PDE1A: variants seen among roughly 807,000 people sequenced by gnomAD.
PDE1A encodes phosphodiesterase 1A, also known as dual specificity calcium/calmodulin-dependent 3',5'-cyclic nucleotide phosphodiesterase 1A.
A neutral mutation model predicts 61.7 loss-of-function variants in PDE1A; 35 were observed. The observed-to-expected ratio is 0.57, with a 90% confidence interval of 0.43 to 0.75. PDE1A has a LOEUF of 0.75. Among genes scored for constraint, PDE1A ranks in the 30% least tolerant of loss-of-function variants. The probability of loss-of-function intolerance (pLI) is 0.00; values close to 1 mark genes in which losing one functional copy is unlikely to be tolerated. For synonymous variants in PDE1A, 232 were observed against 213.2 expected, an observed-to-expected ratio of 1.09 and a Z score of -0.77; for missense variants, 597 against 630.6, an observed-to-expected ratio of 0.95 and a Z score of 0.57.
intron 1 of PDE1A, among the ~76,000 whole-genome samples, chr2:182,421,169 A>G (rs1200737223): frequency 6.6e-6 from 1 of 152,178 alleles, no homozygotes; most frequent in Non-Finnish European, 1.5e-5. Context: ...GATGGCATAA[A>G]ATCACTAACA....
At chr2:182,313,221 C>T (rs1696107278) in intron 1 of PDE1A, among the ~76,000 whole-genome samples, 2 of 152,128 alleles carry the variant, frequency 1.3e-5, no homozygotes, top group Non-Finnish European at 2.9e-5. Context: ...CGACAGCAGC[C>T]TGGCCAACAT....
the PDE1A span, among the ~76,000 whole-genome samples, chr2:182,562,822 G>T: frequency 6.6e-6 from 1 of 152,186 alleles, no homozygotes; most frequent in Admixed American, 6.5e-5. Context: ...ATTTCTTCTA[G>T]ATTTTCTAGT....
intron 1 of PDE1A, among the ~76,000 whole-genome samples, chr2:182,399,002 C>A (rs1701854770): frequency 6.6e-6 from 1 of 151,826 alleles, no homozygotes; most frequent in South Asian, 2.1e-4. Context: ...ATAATAATAC[C>A]TATTGAACTA....
the PDE1A span, among the ~76,000 whole-genome samples, chr2:182,590,868 G>A: frequency 9.9e-5 from 15 of 152,116 alleles, no homozygotes; most frequent in African/African-American, 2.7e-4. Flanking sequence ...GCCTACTAGC[G>A]AAACAACTCA....
intron 1 of PDE1A, among the ~76,000 whole-genome samples, chr2:182,300,893 A>G (rs912533825): frequency 2.6e-5 from 4 of 152,192 alleles, no homozygotes; most frequent in Admixed American, 1.3e-4. Flanking sequence ...AAGTTGTTCA[A>G]GCTACTTCCT....
downstream of PDE1A, among the ~76,000 whole-genome samples, chr2:182,162,950 G>T (rs1354963667): frequency 6.6e-6 from 1 of 152,164 alleles, no homozygotes; most frequent in Non-Finnish European, 1.5e-5. Context: ...AAGGCCAAAT[G>T]GAAGCTATTA....
the PDE1A span, among the ~76,000 whole-genome samples, chr2:182,560,349 T>G: frequency 6.6e-6 from 1 of 151,632 alleles, no homozygotes; most frequent in Non-Finnish European, 1.5e-5. Context: ...TTACTGAGAA[T>G]GATGATTTCC....
chr2:182,215,574 T>A (rs973874364), intron 7 of PDE1A, among the ~76,000 whole-genome samples: 2 of 147,088 alleles, frequency 1.4e-5, no homozygotes, highest in African/African-American at 5.1e-5. Flanking sequence ...TAAAAAATGA[T>A]AAAGGGGATA....
chr2:182,258,025 G>A (rs1691952187), intron 2 of PDE1A, among the ~76,000 whole-genome samples: 1 of 152,066 alleles, frequency 6.6e-6, no homozygotes, highest in Non-Finnish European at 1.5e-5. Flanking sequence ...AAAATTAGCT[G>A]GGTGTGGTGG....
intron 2 of PDE1A, among the ~76,000 whole-genome samples, chr2:182,443,660 C>T (rs59275513): frequency 1.3e-5 from 2 of 151,302 alleles, no homozygotes; most frequent in African/African-American, 4.8e-5. Context: ...ACAGCCTGTG[C>T]AAATGTGAGT....
intron 1 of PDE1A, among the ~76,000 whole-genome samples, chr2:182,306,252 G>T (rs570093514): frequency 3.3e-5 from 5 of 151,964 alleles, no homozygotes; most frequent in African/African-American, 1.2e-4. Flanking sequence ...CCATGTATAC[G>T]TACAATATTG....
the PDE1A span, among the ~76,000 whole-genome samples, chr2:182,588,289 G>T: frequency 2.0e-5 from 3 of 152,150 alleles, no homozygotes; most frequent in Non-Finnish European, 4.4e-5. Flanking sequence ...TTTTCATCTG[G>T]AGTAAGTGGC....
At chr2:182,290,288 A>G (rs780531522) in intron 1 of PDE1A, among the ~76,000 whole-genome samples, 2 of 152,074 alleles carry the variant, frequency 1.3e-5, no homozygotes, top group African/African-American at 2.4e-5. Flanking sequence ...GTATGTTTGT[A>G]TGCATCTTCT....
chr2:182,600,385 A>C, the PDE1A span, among the ~76,000 whole-genome samples: 1 of 152,204 alleles, frequency 6.6e-6, no homozygotes, highest in Non-Finnish European at 1.5e-5. Flanking sequence ...TGAATACATA[A>C]AAGTACTCTT....
chr2:182,533,645 G>C, the PDE1A span, among the ~76,000 whole-genome samples: 1 of 152,084 alleles, frequency 6.6e-6, no homozygotes, highest in African/African-American at 2.4e-5. Flanking sequence ...ATTATCAATA[G>C]ATATAAAAGT....
chr2:182,341,347 T>C lies in PDE1A; in HGVS notation c.54-76933A>G, dbSNP rs182712417. Among the ~76,000 whole-genome samples the C allele has an allele frequency of 3.3e-3, 498 of 152,330 alleles. 3 individuals are homozygous for C. Among genetic ancestry groups the C allele is most frequent in the African/African-American group, 0.011 (472 of 41,588 alleles). On this transcript the variant is annotated intron_variant, in intron 1 of 13. Transcript: ENST00000351439. The stretch of plus-strand genomic sequence containing the variant: ...TTGATGAAGTCATTTGTATGAGTTG[T>C]GCTTGTATACAGAGGCTATTTTTCT...
At chr2:182,509,115 A>C (rs1334668909) in intron 2 of PDE1A, among the ~76,000 whole-genome samples, 3 of 152,076 alleles carry the variant, frequency 2.0e-5, no homozygotes, top group Non-Finnish European at 2.9e-5. Flanking sequence ...TGAAATGGGC[A>C]CCCAGACATT....
chr2:182,425,300 C>T (rs938775967), intron 1 of PDE1A, among the ~76,000 whole-genome samples: 1 of 152,058 alleles, frequency 6.6e-6, no homozygotes, highest in Non-Finnish European at 1.5e-5. Context: ...TGAAGTCGCA[C>T]GTGCACTTGG....
intron 13 of PDE1A, among the ~76,000 whole-genome samples, chr2:182,151,319 G>T (rs1437233031): frequency 6.6e-6 from 1 of 152,100 alleles, no homozygotes; most frequent in African/African-American, 2.4e-5. Flanking sequence ...GGCCAAGCTG[G>T]TCTTGAACTC....
Sources: gnomAD v4.1 joint callset for allele counts (sites outside exome capture counted in the v4.1 genomes callset) on GRCh38, gnomAD v4.1.1 for gene constraint, MANE v1.5 for transcripts, NCBI Gene and HGNC (gene_info 2026-07-23, HGNC 2026-07-21) for gene names.